Variants in LARP4B observed in about 807,000 individuals in gnomAD.
The protein encoded by LARP4B is La ribonucleoprotein 4B, also known as la-related protein 4B.
A neutral mutation model predicts 89.8 loss-of-function variants in LARP4B; 12 were observed. That is an observed-to-expected ratio of 0.13 (90% CI 0.09 to 0.22). LARP4B has a LOEUF of 0.22. Ranked by LOEUF, LARP4B falls within the 10% of genes least tolerant of loss-of-function variation. The probability of loss-of-function intolerance (pLI) is 1.00; values close to 1 mark genes in which losing one functional copy is unlikely to be tolerated. For missense variants in LARP4B, 757 were observed against 947.7 expected, an observed-to-expected ratio of 0.80 and a Z score of 2.64; for synonymous variants, 367 against 363.3, an observed-to-expected ratio of 1.01 and a Z score of -0.12.
At chr10:809,056 G>T (rs1831646299), downstream of LARP4B, 1 of 152,192 alleles carries the variant, frequency 6.6e-6, no homozygotes, top group African/African-American at 2.4e-5. Flanking sequence ...AATGCACAGA[G>T]GAGGAAGGCA....
chr10:862,396 G>T (rs574602298), intron 5 of LARP4B, among the ~76,000 whole-genome samples: 1 of 152,006 alleles, frequency 6.6e-6, no homozygotes, highest in Non-Finnish European at 1.5e-5. Flanking sequence ...TCGAGGTCTG[G>T]CCTCTCCAGC....
intron 1 of LARP4B, among the ~76,000 whole-genome samples, chr10:906,351 A>G (rs1397216750): frequency 6.6e-6 from 1 of 152,234 alleles, no homozygotes; most frequent in African/African-American, 2.4e-5. Flanking sequence ...TGATCAATTT[A>G]TATTAATTAA....
chr10:921,810 A>C (rs1836987513), intron 1 of LARP4B, among the ~76,000 whole-genome samples: 1 of 152,244 alleles, frequency 6.6e-6, no homozygotes, highest in Non-Finnish European at 1.5e-5. Flanking sequence ...TTTCAGCAGA[A>C]GAGATTAAAT....
upstream of LARP4B, among the ~76,000 whole-genome samples, chr10:935,131 T>C (rs548837750): frequency 6.6e-6 from 1 of 152,276 alleles, no homozygotes; most frequent in South Asian, 2.1e-4. Context: ...ACACTCACTT[T>C]CCGAGCATTT....
chr10:900,420 C>CTTTT (rs529963345), intron 1 of LARP4B, among the ~76,000 whole-genome samples: 5,560 of 45,130 alleles, frequency 0.12, 2,083 homozygotes, highest in Middle Eastern at 0.23. Flanking sequence ...AGAAGGATGT[C>CTTTT]TTTTTTTTTT....
intron 14 of LARP4B, chr10:819,877 G>A (rs1364038091): frequency 6.6e-6 from 1 of 152,236 alleles, no homozygotes; most frequent in African/African-American, 2.4e-5. Context: ...GGCTGGACCA[G>A]GATTTGTCCA....
At chr10:835,039 C>CAAA (rs34825774) in intron 8 of LARP4B, among the ~76,000 whole-genome samples, 1 of 93,518 alleles carries the variant, frequency 1.1e-5, no homozygotes, top group Non-Finnish European at 2.2e-5. Context: ...GACTCCGTCT[C>CAAA]AAAAAAAAAA....
intron 5 of LARP4B, among the ~76,000 whole-genome samples, chr10:857,505 G>A (rs1657921209): frequency 6.6e-6 from 1 of 152,202 alleles, no homozygotes; most frequent in South Asian, 2.1e-4. Context: ...ATGTCCTTGA[G>A]AGCTTGAACT....
chr10:896,170 T>C (rs765750936), intron 1 of LARP4B, among the ~76,000 whole-genome samples: 20 of 152,274 alleles, frequency 1.3e-4, no homozygotes, highest in Non-Finnish European at 2.6e-4. Flanking sequence ...ACTAAGATAA[T>C]GGTTCTCAAT....
chr10:984,254 G>C, the LARP4B span, among the ~76,000 whole-genome samples: 482 of 152,196 alleles, frequency 3.2e-3, 3 homozygotes, highest in African/African-American at 0.01. Flanking sequence ...ATCTTTTTGG[G>C]TACAGCACAG....
chr10:877,144 G>A (rs571793967), intron 3 of LARP4B, among the ~76,000 whole-genome samples: 2 of 152,278 alleles, frequency 1.3e-5, no homozygotes, highest in African/African-American at 4.8e-5. Flanking sequence ...AAATGTGATG[G>A]GCCTGTGATG....
At chr10:844,375 C>T (rs1833673996) in intron 6 of LARP4B, among the ~76,000 whole-genome samples, 1 of 152,222 alleles carries the variant, frequency 6.6e-6, no homozygotes, top group Non-Finnish European at 1.5e-5. Context: ...CTCATACACC[C>T]CACAGGCTTC....
intron 1 of LARP4B, among the ~76,000 whole-genome samples, chr10:907,379 C>T (rs1275868362): frequency 6.6e-6 from 1 of 152,170 alleles, no homozygotes; most frequent in South Asian, 2.1e-4. Context: ...AGGGAAAAGG[C>T]AATATTCACA....
chr10:950,491 C>G, the LARP4B span, among the ~76,000 whole-genome samples: 1 of 152,208 alleles, frequency 6.6e-6, no homozygotes, highest in Non-Finnish European at 1.5e-5. Context: ...ATTCCTTTGT[C>G]TGTACATAGA....
intron 1 of LARP4B, among the ~76,000 whole-genome samples, chr10:913,009 G>C (rs1434544754): frequency 6.6e-6 from 1 of 152,190 alleles, no homozygotes; most frequent in East Asian, 1.9e-4. Context: ...TTGGCTTAAA[G>C]TTTACAGAGC....
intron 11 of LARP4B, among the ~76,000 whole-genome samples, chr10:827,167 T>A (rs1192461665): frequency 6.6e-6 from 1 of 151,912 alleles, no homozygotes; most frequent in Non-Finnish European, 1.5e-5. Context: ...TCCCAGCTAC[T>A]CAAGAGGCTG....
At chr10:972,810 CCT>C in the LARP4B span, 1 of 456,778 alleles carries the variant, frequency 2.2e-6, no homozygotes, top group Non-Finnish European at 4.4e-6. Flanking sequence ...CATTCTTTCC[CCT>C]CTCCAAGGCC....
At position 814,998 on chromosome 10, in the gene LARP4B, A is replaced by G. The variant is rs1831955784; in HGVS notation, c.1768T>C (p.Cys590Arg). The change falls in exon 16 of 18, where the codon TGT becomes CGT. Residue 590 changes from cysteine (C) to arginine (R), a missense_variant. Cys to Arg is a radical substitution (Grantham distance 180, BLOSUM62 -3). Around this residue, in one of 5 missense-constraint regions of LARP4B, gnomAD observed 387 missense variants for 423.6 expected, o/e 0.91. Coordinates refer to ENST00000316157, the MANE Select transcript of LARP4B (RefSeq NM_015155.3). This position sits in a 1 kb window ranked among gnomAD's most constrained non-coding sequence, Gnocchi z 4.4. Reference protein sequence around the residue: ...VSREPSVPASCAVSATYERSP... With the variant: ...VSREPSVPASRAVSATYERSP... ...CGCTCGTACGTTGCTGATACAGCACAAGAAGCCGGCACCGAGGGCTCTCTG... is the reference window on the plus strand; with the variant it reads ...CGCTCGTACGTTGCTGATACAGCACGAGAAGCCGGCACCGAGGGCTCTCTG... 10 of 1,609,708 alleles carry G rather than the reference A, an allele frequency of 6.2e-6. No individual in the cohort carries two copies. Among genetic ancestry groups the G allele is most frequent in the Non-Finnish European group, 8.5e-6 (10 of 1,177,294 alleles).
chr10:893,080 C>G (rs76581964), intron 1 of LARP4B, among the ~76,000 whole-genome samples: 3 of 137,606 alleles, frequency 2.2e-5, no homozygotes, highest in Non-Finnish European at 4.8e-5. Context: ...CCTTTTTTTT[C>G]TTTTTTTTTT....
Sources: gnomAD v4.1 joint callset for allele counts (sites outside exome capture counted in the v4.1 genomes callset) on GRCh38, gnomAD v4.1.1 for gene constraint, gnomAD v4.1.1 regional missense constraint, Gnocchi (gnomAD v3.1) non-coding constraint, MANE v1.5 for transcripts, NCBI Gene and HGNC (gene_info 2026-07-23, HGNC 2026-07-21) for gene names.